The following FRMD8 variants were observed in gnomAD, a reference collection of about 807,000 sequenced individuals.
FRMD8 encodes FERM domain containing 8.
In FRMD8, 37 loss-of-function variants were observed where a neutral mutation model predicts 54.2. That is an observed-to-expected ratio of 0.68 (90% confidence interval 0.53 to 0.90). The LOEUF (loss-of-function observed/expected upper bound fraction) is 0.90, where lower values mean the gene tolerates loss of function less well. Ranked by LOEUF, FRMD8 falls within the 40% of genes least tolerant of loss-of-function variation. The probability of loss-of-function intolerance (pLI) is 0.00; values close to 1 mark genes in which losing one functional copy is unlikely to be tolerated. For synonymous variants in FRMD8, 246 were observed against 286.9 expected (o/e 0.86, Z 1.44); for missense variants, 585 against 653.7 (o/e 0.89, Z 1.15).
At chr11:65,393,880 C>T (rs927965853) in intron 4 of FRMD8, 161 bp from the exon 5 acceptor site, 1 of 816,600 alleles carries the variant, frequency 1.2e-6, no homozygotes, top group East Asian at 2.7e-5. Context: ...TGGGAGCCAC[C>T]GGGGCACGTT....
rs906879692 is a variant in FRMD8 at position 65,404,155 on chromosome 11, C to T, written c.1072-709C>T. ...ACTCCAGCATCTGACCCAGCCCCAC[C>T]AGTCAGGAGCACAGGTGGCCATTCC... On this transcript the variant is annotated intron_variant, in intron 9 of 10. Coordinates refer to ENST00000317568, the MANE Select transcript of FRMD8 (RefSeq NM_031904.5). This position sits in a 1 kb window ranked among gnomAD's most constrained non-coding sequence, Gnocchi z 4.7. Among the ~76,000 whole-genome samples the T allele has an allele frequency of 1.3e-5, 2 of 152,318 alleles. No homozygotes were observed. The highest frequency in any genetic ancestry group is 1.5e-5 in the Non-Finnish European group (1 of 68,022).
the FRMD8 span, among the ~76,000 whole-genome samples, chr11:65,370,262 A>C: frequency 1.3e-5 from 2 of 151,030 alleles, no homozygotes; most frequent in Non-Finnish European, 3.0e-5. Flanking sequence ...TTGTGGTGGG[A>C]GGGAGCCTGA....
At chr11:65,405,214 C>T (rs922416437) in intron 10 of FRMD8, 146 bp downstream of exon 10, 8 of 743,502 alleles carry the variant, frequency 1.1e-5, no homozygotes, top group African/African-American at 5.2e-5. Context: ...GTGAGCAGGC[C>T]GAGCCCGGGC....
chr11:65,401,516 ACCTCTCC>A, intron 9 of FRMD8, among the ~76,000 whole-genome samples: 1 of 140,546 alleles, frequency 7.1e-6, no homozygotes, highest in Non-Finnish European at 1.5e-5. Flanking sequence ...TTCATTCCAC[ACCTCTCC>A]GGCTTCCTTT....
upstream of FRMD8, chr11:65,382,256 T>A (rs1855611389): frequency 2.1e-6 from 1 of 470,996 alleles, no homozygotes. The surrounding 1 kb of genome is among the most constrained non-coding windows in gnomAD (Gnocchi z 4.4). Context: ...ACTGGGTTCC[T>A]GCCCCATGGT....
chr11:65,372,356 AACTC>A, the FRMD8 span, among the ~76,000 whole-genome samples: 1 of 152,000 alleles, frequency 6.6e-6, no homozygotes, highest in Non-Finnish European at 1.5e-5. Flanking sequence ...CTAAACCCTA[AACTC>A]ACTCCAGGAC....
chr11:65,389,808 A>G (rs1855808105), intron 3 of FRMD8, among the ~76,000 whole-genome samples: 1 of 152,088 alleles, frequency 6.6e-6, no homozygotes, highest in Non-Finnish European at 1.5e-5. Flanking sequence ...CAGGAACAGT[A>G]CCGCAGGAGG....
upstream of FRMD8, chr11:65,381,683 T>C: frequency 2.0e-6 from 1 of 509,532 alleles, no homozygotes; most frequent in Non-Finnish European, 3.6e-6. Flanking sequence ...TCCTCCTAAG[T>C]AGCTGGGACT....
chr11:65,401,390 C>T (rs1178758827), intron 9 of FRMD8, among the ~76,000 whole-genome samples: 2 of 135,122 alleles, frequency 1.5e-5, no homozygotes, highest in African/African-American at 5.6e-5. Flanking sequence ...CCCCAGCCTC[C>T]CTCCCCTGCC....
the FRMD8 span, chr11:65,380,282 G>A: frequency 6.5e-7 from 1 of 1,530,082 alleles, no homozygotes; most frequent in Admixed American, 1.7e-5. Flanking sequence ...GGAGAGCAGG[G>A]CCATCTCAGA....
At chr11:65,399,586 C>T in intron 7 of FRMD8, 150 bp from the exon 8 acceptor site, 1 of 899,270 alleles carries the variant, frequency 1.1e-6, no homozygotes, top group Non-Finnish European at 1.7e-6. Context: ...ACGAAGCCTC[C>T]CCTTCATCCC....
the FRMD8 span, chr11:65,376,237 C>T: frequency 3.7e-6 from 3 of 807,440 alleles, no homozygotes; most frequent in African/African-American, 5.2e-5. Context: ...CCCCTGGCTT[C>T]CGGCTCCCAC....
At chr11:65,408,231 C>T (rs1012287627) in intron 10 of FRMD8, among the ~76,000 whole-genome samples, 1 of 151,804 alleles carries the variant, frequency 6.6e-6, no homozygotes, top group Non-Finnish European at 1.5e-5. Context: ...TGCACCACCA[C>T]GCCCAGCTAA....
At chr11:65,387,602 G>C (rs1055257594) in intron 2 of FRMD8, among the ~76,000 whole-genome samples, 2 of 151,942 alleles carry the variant, frequency 1.3e-5, no homozygotes, top group Non-Finnish European at 2.9e-5. Flanking sequence ...GCAGTGGTGC[G>C]ATCTCAGCTC....
At chr11:65,380,476 C>T in the FRMD8 span, 1 of 1,304,708 alleles carries the variant, frequency 7.7e-7, no homozygotes, top group Non-Finnish European at 1.0e-6. Flanking sequence ...GAGCCCATAC[C>T]CGGGTATCCC....
chr11:65,396,788 TTCC>T lies in FRMD8; in HGVS notation c.582-7_582-5del. The T allele has an allele frequency of 1.3e-6, 2 of 1,498,814 alleles. No individual in the cohort carries two copies. The highest frequency in any genetic ancestry group is 1.8e-6 in the Non-Finnish European group (2 of 1,122,430). The allele number at this position is 1,498,814 out of a possible 1,614,324, so 92.8% of individuals were successfully genotyped here. On this transcript the variant is annotated splice_region_variant and splice_polypyrimidine_tract_variant and intron_variant, in intron 6 of 10. Transcript: ENST00000317568. ...GTTGGGCCGCTAGCACCTGTCTTCC[TTCC>T]TCCACAGGGAGAAGCTGGACTCCTT...
the FRMD8 span, chr11:65,379,550 G>A: frequency 6.2e-7 from 1 of 1,609,134 alleles, no homozygotes; most frequent in South Asian, 1.1e-5. Context: ...TTCCCTTGAA[G>A]AAGCCCAGGA....
intron 10 of FRMD8, among the ~76,000 whole-genome samples, chr11:65,407,883 C>A (rs75004091): frequency 9.5e-3 from 1,178 of 124,396 alleles, no homozygotes; most frequent in Middle Eastern, 0.018. Flanking sequence ...GACTCTGTCT[C>A]AAAAAAAAAA....
the FRMD8 span, chr11:65,380,303 C>T: frequency 7.3e-7 from 1 of 1,365,160 alleles, no homozygotes; most frequent in Middle Eastern, 2.5e-4. Context: ...CACATGCAGC[C>T]ACCTTCCTGC....
Sources: gnomAD v4.1 joint callset for allele counts (sites outside exome capture counted in the v4.1 genomes callset) on GRCh38, gnomAD v4.1.1 for gene constraint, Gnocchi (gnomAD v3.1) non-coding constraint, MANE v1.5 for transcripts, NCBI Gene and HGNC (gene_info 2026-07-23, HGNC 2026-07-21) for gene names.